The following XYLT1 variants were observed in gnomAD, a reference collection of about 807,000 sequenced individuals.
The protein encoded by XYLT1 is beta-D-xylosyltransferase 1.
A neutral mutation model predicts 91.3 loss-of-function variants in XYLT1; 36 were observed. The ratio of observed to expected loss-of-function variants is 0.39; its 90% confidence interval spans 0.30 to 0.52. XYLT1 has a LOEUF of 0.52. Among genes scored for constraint, XYLT1 ranks in the 20% least tolerant of loss-of-function variants. The probability of loss-of-function intolerance (pLI) is 0.68; values close to 1 mark genes in which losing one functional copy is unlikely to be tolerated. For missense variants in XYLT1, 1,242 were observed against 1,284.5 expected (o/e 0.97, Z 0.51); for synonymous variants, 588 against 532.0 (o/e 1.11, Z -1.45).
chr16:17,255,075 C>A (rs1200731074), intron 3 of XYLT1, among the ~76,000 whole-genome samples: 1 of 147,338 alleles, frequency 6.8e-6, no homozygotes, highest in African/African-American at 2.5e-5. Context: ...CAGCTCACTG[C>A]AACCTCTGCC....
At chr16:17,383,946 C>T (rs879671712) in intron 1 of XYLT1, among the ~76,000 whole-genome samples, 13 of 151,788 alleles carry the variant, frequency 8.6e-5, no homozygotes, top group Non-Finnish European at 1.9e-4. Flanking sequence ...CAGGGTTTCG[C>T]CATGTGGGCC....
At chr16:17,146,937 C>G (rs1054591457) in intron 6 of XYLT1, among the ~76,000 whole-genome samples, 2 of 152,190 alleles carry the variant, frequency 1.3e-5, no homozygotes, top group Non-Finnish European at 1.5e-5. Flanking sequence ...CATGCAAAAT[C>G]TGAGCTCATT....
At chr16:17,286,692 C>T (rs1485584925) in intron 2 of XYLT1, among the ~76,000 whole-genome samples, 1 of 152,104 alleles carries the variant, frequency 6.6e-6, no homozygotes, top group Non-Finnish European at 1.5e-5. Context: ...TCATCATCCC[C>T]ATCCTTGTTG....
intron 9 of XYLT1, among the ~76,000 whole-genome samples, chr16:17,130,395 G>A (rs2030424668): frequency 6.6e-6 from 1 of 152,188 alleles, no homozygotes; most frequent in African/African-American, 2.4e-5. Context: ...TTGCTGTTAC[G>A]GGAGTCAAAG....
At chr16:17,253,830 G>T (rs945219807) in intron 3 of XYLT1, among the ~76,000 whole-genome samples, 2 of 132,600 alleles carry the variant, frequency 1.5e-5, no homozygotes, top group East Asian at 4.1e-4. Context: ...ACTTGAGAGA[G>T]AGAGAGAGAG....
intron 2 of XYLT1, among the ~76,000 whole-genome samples, chr16:17,332,037 C>A (rs2034905677): frequency 6.6e-6 from 1 of 152,200 alleles, no homozygotes; most frequent in Admixed American, 6.5e-5. Context: ...TTGTGGGACA[C>A]AGGGATTATT....
chr16:17,357,907 G>A, intron 2 of XYLT1, 105 bp downstream of exon 2: 2 of 1,238,642 alleles, frequency 1.6e-6, no homozygotes, highest in Non-Finnish European at 2.3e-6. Context: ...ATGGGACCAG[G>A]GGCAGCCATG....
At chr16:17,354,403 G>T (rs2035264361) in intron 2 of XYLT1, among the ~76,000 whole-genome samples, 2 of 152,166 alleles carry the variant, frequency 1.3e-5, no homozygotes, top group South Asian at 4.1e-4. Context: ...CAGAACAGCT[G>T]CACAGGGACA....
intron 2 of XYLT1, among the ~76,000 whole-genome samples, chr16:17,323,564 A>G (rs1179246511): frequency 6.6e-6 from 1 of 152,194 alleles, no homozygotes; most frequent in Non-Finnish European, 1.5e-5. Context: ...TAAACAGCAA[A>G]TTATTTAACT....
At chr16:17,269,488 CAT>C (rs2033855027) in intron 2 of XYLT1, among the ~76,000 whole-genome samples, 1 of 152,184 alleles carries the variant, frequency 6.6e-6, no homozygotes, top group Admixed American at 6.5e-5. Context: ...GAAACACTAA[CAT>C]AGTTTCTCAC....
intron 8 of XYLT1, chr16:17,137,433 G>T (rs572175370): frequency 6.6e-6 from 1 of 152,112 alleles, no homozygotes; most frequent in Non-Finnish European, 1.5e-5. Flanking sequence ...GTAGCATACC[G>T]TCTCTACACG....
At chr16:17,178,559 G>T (rs933427242) in intron 5 of XYLT1, among the ~76,000 whole-genome samples, 3 of 152,158 alleles carry the variant, frequency 2.0e-5, no homozygotes, top group Non-Finnish European at 4.4e-5. Flanking sequence ...TCTGGGCAAG[G>T]CCACGATCTG....
intron 9 of XYLT1, 51 bp downstream of exon 9, chr16:17,134,422 C>T: frequency 1.2e-6 from 2 of 1,600,702 alleles, no homozygotes; most frequent in South Asian, 2.2e-5. Context: ...GTACCCTGAG[C>T]CTCCCCTCCT....
intron 1 of XYLT1, among the ~76,000 whole-genome samples, chr16:17,426,607 T>C (rs902338285): frequency 6.6e-6 from 1 of 152,172 alleles, no homozygotes; most frequent in Non-Finnish European, 1.5e-5. Flanking sequence ...TTAGCAAACT[T>C]TGACCAGTGA....
chr16:17,441,031 C>A (rs2141941340), intron 1 of XYLT1, among the ~76,000 whole-genome samples: 1 of 152,022 alleles, frequency 6.6e-6, no homozygotes, highest in South Asian at 2.1e-4. Context: ...GCCAGGCACA[C>A]AATAAAACAA....
chr16:17,406,787 A>T (rs1244606021), intron 1 of XYLT1, among the ~76,000 whole-genome samples: 2 of 152,162 alleles, frequency 1.3e-5, no homozygotes, highest in Non-Finnish European at 2.9e-5. Context: ...AAGAAAAAAC[A>T]AAAGAAGAAA....
intron 1 of XYLT1, among the ~76,000 whole-genome samples, chr16:17,385,980 CATGTA>C (rs2035743694): frequency 1.3e-5 from 2 of 152,166 alleles, no homozygotes; most frequent in African/African-American, 2.4e-5. Flanking sequence ...TGACTTAAAA[CATGTA>C]AAGTTAATTT....
chr16:17,460,430 C>T (rs577335155), intron 1 of XYLT1, among the ~76,000 whole-genome samples: 2 of 152,202 alleles, frequency 1.3e-5, no homozygotes, highest in Non-Finnish European at 1.5e-5. Context: ...ACCAGCTAGG[C>T]GGGGAGGGAG....
At position 17,230,778 on chromosome 16, in the gene XYLT1, T is replaced by C. The variant is rs140724791; in HGVS notation, c.913+28210A>G. 1.8e-3 allele frequency among the ~76,000 whole-genome samples: 274 copies of C among 152,328 alleles called. 1 individual carries two copies. The highest frequency in any genetic ancestry group is 0.01 in the Middle Eastern group (3 of 294). ...CATTTCAGGCCTATTCTCTTCTCTA[T>C]GCTTTAAATAAGCTAACTCAGTGGC... is the stretch of plus-strand genomic sequence containing the variant. On this transcript the variant is annotated intron_variant, in intron 3 of 11. Coordinates refer to ENST00000261381, the MANE Select transcript of XYLT1 (RefSeq NM_022166.4).
Sources: gnomAD v4.1 joint callset for allele counts (sites outside exome capture counted in the v4.1 genomes callset) on GRCh38, gnomAD v4.1.1 for gene constraint, MANE v1.5 for transcripts, NCBI Gene and HGNC (gene_info 2026-07-23, HGNC 2026-07-21) for gene names.